CUX1: variants seen among roughly 807,000 people sequenced by gnomAD.
CUX1 encodes cut like homeobox 1.
A neutral mutation model predicts 158.8 loss-of-function variants in CUX1; 31 were observed. The observed-to-expected ratio is 0.20, with a 90% CI of 0.15 to 0.26. The LOEUF (loss-of-function observed/expected upper bound fraction) is 0.26, where lower values mean the gene tolerates loss of function less well. Ranked by LOEUF, CUX1 falls within the 10% of genes least tolerant of loss-of-function variation. The pLI is 1.00. For missense variants in CUX1, 1,589 were observed against 2,014.6 expected, an observed-to-expected ratio of 0.79 and a Z score of 4.04; for synonymous variants, 879 against 862.1, an observed-to-expected ratio of 1.02 and a Z score of -0.34.
At chr7:101,941,135 C>T (rs1170468172) in intron 2 of CUX1, among the ~76,000 whole-genome samples, 1 of 152,214 alleles carries the variant, frequency 6.6e-6, no homozygotes, top group Non-Finnish European at 1.5e-5. Flanking sequence ...ACGCAGCCAG[C>T]CGGGCAGCCT....
chr7:102,102,520 A>G lies in CUX1; in HGVS notation c.407-1816A>G, dbSNP rs1391612121. Among the ~76,000 whole-genome samples the G allele has an allele frequency of 1.1e-4, 16 of 151,274 alleles. No individual in the cohort carries two copies. The East Asian group carries it at 3.1e-3, about 29-fold the overall frequency. On this transcript the variant is annotated intron_variant, in intron 5 of 23. Transcript: ENST00000292535. The stretch of plus-strand genomic sequence containing the variant: ...GTTTTGCTCCTGCTCTGGCCAGCGC[A>G]TGTCCGTGCAGCTCAGGGAGCAGGA...
chr7:102,101,064 A>G (rs1217405046), intron 5 of CUX1, among the ~76,000 whole-genome samples: 1 of 152,164 alleles, frequency 6.6e-6, no homozygotes, highest in African/African-American at 2.4e-5. Context: ...TCAGTGACTC[A>G]TCACCAGAGA....
intron 1 of CUX1, among the ~76,000 whole-genome samples, chr7:101,881,245 T>A (rs1799674904): frequency 6.6e-6 from 1 of 152,226 alleles, no homozygotes; most frequent in East Asian, 1.9e-4. Flanking sequence ...AACACATGAT[T>A]CAGCTGACAA....
chr7:101,943,965 A>T (rs79443164), intron 2 of CUX1, among the ~76,000 whole-genome samples: 4 of 4,770 alleles, frequency 8.4e-4, no homozygotes, highest in African/African-American at 2.8e-3. Flanking sequence ...TTTAAAAATT[A>T]AAAAAAAAAA....
At chr7:101,821,585 G>A (rs1039568978) in intron 1 of CUX1, among the ~76,000 whole-genome samples, 17 of 150,198 alleles carry the variant, frequency 1.1e-4, no homozygotes, top group Non-Finnish European at 2.4e-4. Context: ...TGATCCGCCC[G>A]CCTTGGCCTC....
rs118179449 is a variant in CUX1 at position 101,940,770 on chromosome 7, T to C, written c.141+24545T>C. Among the ~76,000 whole-genome samples the C allele has an allele frequency of 2.2e-3, 338 of 152,140 alleles. 1 individual carries two copies. The highest frequency in any genetic ancestry group is 0.014 in the East Asian group (72 of 5,154). Reference sequence around the variant, plus strand: ...CACATCTGTTGCTTGGCTGATTGATTAAATGCTGTGGTGCCCGTGTTCACT... The same window carrying C: ...CACATCTGTTGCTTGGCTGATTGATCAAATGCTGTGGTGCCCGTGTTCACT... On this transcript the variant is annotated intron_variant, in intron 2 of 23. Coordinates refer to ENST00000292535, the MANE Select transcript of CUX1 (RefSeq NM_181552.4).
intron 5 of CUX1, among the ~76,000 whole-genome samples, chr7:102,100,795 A>G (rs936555129): frequency 8.4e-6 from 1 of 118,366 alleles, no homozygotes; most frequent in South Asian, 2.7e-4. Flanking sequence ...AACAAGACCT[A>G]TCTCTTAAAA....
At position 102,070,386 on chromosome 7, in the gene CUX1, G is replaced by A; in HGVS notation, c.237G>A (p.Leu79=). ...GCAAGGAAGCTGAAGCAGCTTTCTTGAATGTCTACAAAAGATTGATTGACG... is the reference window on the plus strand; with the variant it reads ...GCAAGGAAGCTGAAGCAGCTTTCTTAAATGTCTACAAAAGATTGATTGACG... ...KRSKEAEAAF[L]NVYKRLIDVP... Residue 79 remains leucine, a synonymous_variant, in exon 4 of 24, where the codon TTG becomes TTA. Coordinates refer to ENST00000292535, the MANE Select transcript of CUX1 (RefSeq NM_181552.4). 1 of 1,610,904 alleles carries A rather than the reference G, an allele frequency of 6.2e-7. No individual in the cohort carries two copies. Among genetic ancestry groups the A allele is most frequent in the Non-Finnish European group, 8.5e-7 (1 of 1,179,278 alleles).
At chr7:102,008,908 A>G (rs1239681229) in intron 2 of CUX1, among the ~76,000 whole-genome samples, 1 of 152,138 alleles carries the variant, frequency 6.6e-6, no homozygotes, top group Non-Finnish European at 1.5e-5. Flanking sequence ...GAGGCCTCTC[A>G]GGTTCTTGAT....
intron 20 of CUX1, among the ~76,000 whole-genome samples, chr7:102,226,913 T>C (rs1198346362): frequency 6.6e-6 from 1 of 152,208 alleles, no homozygotes; most frequent in Non-Finnish European, 1.5e-5. Context: ...TCTTCCTAAC[T>C]GTGGTGACTA....
intron 22 of CUX1, among the ~76,000 whole-genome samples, chr7:102,237,143 T>G (rs1290413400): frequency 6.6e-6 from 1 of 152,236 alleles, no homozygotes; most frequent in Non-Finnish European, 1.5e-5. Context: ...GTTTGGGTTT[T>G]CTATGGGGAA....
At chr7:101,846,738 C>T (rs1045668527) in intron 1 of CUX1, among the ~76,000 whole-genome samples, 5 of 152,070 alleles carry the variant, frequency 3.3e-5, no homozygotes, top group African/African-American at 1.2e-4. Context: ...AGTGGCAGCC[C>T]CACGGACAGT....
intron 1 of CUX1, among the ~76,000 whole-genome samples, chr7:101,837,646 T>C (rs1358939437): frequency 2.0e-5 from 3 of 151,498 alleles, no homozygotes; most frequent in African/African-American, 7.3e-5. Flanking sequence ...CTGGGCAACA[T>C]AGTGAGACCC....
intron 1 of CUX1, among the ~76,000 whole-genome samples, chr7:101,832,944 C>G (rs1794220017): frequency 6.6e-6 from 1 of 152,048 alleles, no homozygotes; most frequent in Admixed American, 6.6e-5. Flanking sequence ...GGAGGAGCTG[C>G]TTAGGGGTGG....
chr7:101,861,841 T>C, intron 1 of CUX1, among the ~76,000 whole-genome samples: 1 of 151,846 alleles, frequency 6.6e-6, no homozygotes, highest in Non-Finnish European at 1.5e-5. Flanking sequence ...CTCGGCTTAC[T>C]GCAACCTCCA....
intron 1 of CUX1, among the ~76,000 whole-genome samples, chr7:101,828,975 A>T (rs1416716964): frequency 4.2e-5 from 4 of 94,614 alleles, no homozygotes; most frequent in Non-Finnish European, 4.4e-5. Flanking sequence ...GGCTGGTGGG[A>T]GGGAATTCCA....
rs372426425 is a variant in CUX1 at position 102,175,145 on chromosome 7, A to G, written c.829-3324A>G. Among the ~76,000 whole-genome samples the G allele has an allele frequency of 2.0e-4, 30 of 152,344 alleles. No individual in the cohort carries two copies. In the East Asian group the frequency reaches 5.4e-3, roughly 28 times the overall value. ...CCAGTGTGGCCGAGCTCTTGTGGCC[A>G]TGCCCAGCCGGGCGCAGGAGTTGAG... On this transcript the variant is annotated intron_variant, in intron 10 of 23. Coordinates refer to ENST00000292535, the MANE Select transcript of CUX1 (RefSeq NM_181552.4).
At chr7:101,902,701 T>G (rs1442455014) in intron 1 of CUX1, among the ~76,000 whole-genome samples, 2 of 152,234 alleles carry the variant, frequency 1.3e-5, no homozygotes, top group Non-Finnish European at 2.9e-5. Flanking sequence ...ATCCGTCTTC[T>G]GTCCTGCAGA....
intron 1 of CUX1, among the ~76,000 whole-genome samples, chr7:101,876,072 G>A (rs1799097999): frequency 6.6e-6 from 1 of 152,172 alleles, no homozygotes; most frequent in South Asian, 2.1e-4. Context: ...GTGGCTGGGT[G>A]CGGTGGCTCA....
Sources: allele counts gnomAD v4.1 joint callset (sites outside exome capture counted in the v4.1 genomes callset), GRCh38; gene constraint gnomAD v4.1.1; transcripts MANE v1.5; gene names NCBI Gene and HGNC (gene_info 2026-07-23, HGNC 2026-07-21).